Variants in UHRF2 observed in about 807,000 individuals in gnomAD.
The protein encoded by UHRF2 is E3 ubiquitin-protein ligase UHRF2.
UHRF2 carries 23 observed loss-of-function variants against 96.8 expected under a neutral mutation model. The observed-to-expected ratio is 0.24, with a 90% CI of 0.17 to 0.34. UHRF2 has a LOEUF of 0.34. UHRF2 is among the 10% of genes least tolerant of loss of function. The probability of loss-of-function intolerance (pLI) is 1.00; values close to 1 mark genes in which losing one functional copy is unlikely to be tolerated. For missense variants in UHRF2, 685 were observed against 981.5 expected (o/e 0.70, Z 4.04); for synonymous variants, 385 against 332.6 (o/e 1.16, Z -1.72).
In UHRF2 at chr9:6,460,796, GA is replaced by G. The variant is rs1822493357; in HGVS notation, c.863+6del. 6.2e-7 allele frequency: 1 copy of G among 1,610,010 alleles called. No homozygotes were observed. On this transcript the variant is annotated splice_donor_region_variant and intron_variant, in intron 4 of 15. Coordinates refer to ENST00000276893, the MANE Select transcript of UHRF2 (RefSeq NM_152896.3). ...TCGTGTGAAAATTTTCCTGGGGTAAGATTGTCTTCACTGGTGCCATTTAATT... is the reference window on the plus strand; with the variant it reads ...TCGTGTGAAAATTTTCCTGGGGTAAGTTGTCTTCACTGGTGCCATTTAATT...
At chr9:6,466,122 C>A (rs978150271) in intron 4 of UHRF2, among the ~76,000 whole-genome samples, 1 of 152,080 alleles carries the variant, frequency 6.6e-6, no homozygotes, top group African/African-American at 2.4e-5. Context: ...AGATAAAGGC[C>A]GAGCATGGTG....
intron 2 of UHRF2, among the ~76,000 whole-genome samples, chr9:6,432,143 C>CT (rs1820590600): frequency 6.6e-6 from 1 of 152,122 alleles, no homozygotes; most frequent in Non-Finnish European, 1.5e-5. Flanking sequence ...TGCTCCATCT[C>CT]TGATTGTTTG....
In UHRF2 at chr9:6,460,564, T is replaced by C. The variant is rs1445322471; in HGVS notation, c.645-9T>C. On this transcript the variant is annotated splice_polypyrimidine_tract_variant and intron_variant, in intron 3 of 15. Transcript: ENST00000276893. ...TAATCATAAGCCATATGGTTTTCTC[T>C]CTCCTCAGATACCCAGAAAGCGGTA... 1 of 1,587,694 alleles carries C rather than the reference T, an allele frequency of 6.3e-7. No individual in the cohort carries two copies. Among genetic ancestry groups the C allele is most frequent in the South Asian group, 1.1e-5 (1 of 88,498 alleles).
intron 1 of UHRF2, chr9:6,415,251 A>G (rs911313600): frequency 6.6e-6 from 1 of 152,222 alleles, no homozygotes; most frequent in Non-Finnish European, 1.5e-5. Flanking sequence ...TAGGAAGCTC[A>G]TTCCAGATTC....
intron 13 of UHRF2, 55 bp downstream of exon 13, chr9:6,499,986 T>C: frequency 7.2e-7 from 1 of 1,396,468 alleles, no homozygotes; most frequent in Non-Finnish European, 9.9e-7. Context: ...TTGTTGTTGT[T>C]GTTGAGACGG....
chr9:6,475,243 A>T, intron 4 of UHRF2, 148 bp from the exon 5 acceptor site: 1 of 416,544 alleles, frequency 2.4e-6, no homozygotes, highest in Non-Finnish European at 4.3e-6. Flanking sequence ...TACTATTGAA[A>T]ACAATAGTTC....
At chr9:6,434,236 A>C in intron 3 of UHRF2, 63 bp downstream of exon 3, 3 of 1,502,520 alleles carry the variant, frequency 2.0e-6, no homozygotes, top group Admixed American at 4.3e-5. Context: ...AAAGCCTTCT[A>C]TTTCAAGATT....
intron 3 of UHRF2, among the ~76,000 whole-genome samples, chr9:6,436,903 C>T (rs183725442): frequency 2.6e-5 from 4 of 152,158 alleles, no homozygotes; most frequent in Admixed American, 1.3e-4. Context: ...CTTAAAGATA[C>T]GATAGCTGAA....
chr9:6,423,772 C>G (rs979119151), intron 2 of UHRF2, among the ~76,000 whole-genome samples: 2 of 151,522 alleles, frequency 1.3e-5, no homozygotes, highest in Non-Finnish European at 2.9e-5. Context: ...GGTGAAACCC[C>G]GTCTCCACTA....
intron 3 of UHRF2, among the ~76,000 whole-genome samples, chr9:6,437,770 A>G (rs1820937778): frequency 6.6e-6 from 1 of 152,088 alleles, no homozygotes; most frequent in Non-Finnish European, 1.5e-5. Context: ...GGCATGCACC[A>G]CCACACCTGG....
At chr9:6,420,505 A>T (rs1413625163) in intron 1 of UHRF2, among the ~76,000 whole-genome samples, 1 of 151,604 alleles carries the variant, frequency 6.6e-6, no homozygotes. Context: ...GATCAAGACC[A>T]TCCTGGCAAA....
chr9:6,481,096 G>C (rs1823897987), intron 6 of UHRF2, among the ~76,000 whole-genome samples: 1 of 152,172 alleles, frequency 6.6e-6, no homozygotes, highest in African/African-American at 2.4e-5. Flanking sequence ...CGAAATACAA[G>C]TTACAGTAGG....
At chr9:6,426,924 C>G (rs982710503) in intron 2 of UHRF2, among the ~76,000 whole-genome samples, 1 of 151,850 alleles carries the variant, frequency 6.6e-6, no homozygotes, top group Non-Finnish European at 1.5e-5. Context: ...AATTTTTGTA[C>G]TTTCAGTAGA....
At chr9:6,438,023 A>G (rs10491838) in intron 3 of UHRF2, among the ~76,000 whole-genome samples, 4,753 of 152,314 alleles carry the variant, frequency 0.031, 122 homozygotes, top group Middle Eastern at 0.061. Flanking sequence ...CTTAAAAACA[A>G]TACCATCAGG....
At chr9:6,461,396 C>G (rs1364905234) in intron 4 of UHRF2, among the ~76,000 whole-genome samples, 7 of 131,002 alleles carry the variant, frequency 5.3e-5, no homozygotes, top group Admixed American at 1.5e-4. Flanking sequence ...TCCTCCCCCC[C>G]GCCCCTTGTT....
chr9:6,425,963 A>G (rs1442532960), intron 2 of UHRF2, among the ~76,000 whole-genome samples: 2 of 152,326 alleles, frequency 1.3e-5, no homozygotes, highest in South Asian at 2.1e-4. Context: ...ATCTTTGGCC[A>G]GAGTTTAGAA....
At chr9:6,443,892 TG>T (rs1821334194) in intron 3 of UHRF2, among the ~76,000 whole-genome samples, 1 of 152,252 alleles carries the variant, frequency 6.6e-6, no homozygotes, top group Admixed American at 6.5e-5. Context: ...TTAAGATTTC[TG>T]GAGCTATTCT....
chr9:6,459,880 C>T (rs1822420530), intron 3 of UHRF2, among the ~76,000 whole-genome samples: 2 of 152,060 alleles, frequency 1.3e-5, no homozygotes, highest in Non-Finnish European at 2.9e-5. Flanking sequence ...AGCTCAGGCT[C>T]GGGGATTTCT....
At chr9:6,461,151 GAC>G (rs1822511259) in intron 4 of UHRF2, among the ~76,000 whole-genome samples, 1 of 152,146 alleles carries the variant, frequency 6.6e-6, no homozygotes, top group Non-Finnish European at 1.5e-5. Flanking sequence ...AGCAGTGGAT[GAC>G]TACTTAACCA....
Sources: allele counts gnomAD v4.1 joint callset (sites outside exome capture counted in the v4.1 genomes callset), GRCh38; gene constraint gnomAD v4.1.1; transcripts MANE v1.5; gene names NCBI Gene and HGNC (gene_info 2026-07-23, HGNC 2026-07-21).